Variants in PTPRO observed in about 807,000 individuals in gnomAD.
The protein encoded by PTPRO is protein tyrosine phosphatase receptor type O.
A neutral mutation model predicts 145.2 loss-of-function variants in PTPRO; 62 were observed. That is an observed-to-expected ratio of 0.43 (90% CI 0.35 to 0.53). The LOEUF (loss-of-function observed/expected upper bound fraction) is 0.53. Among genes scored for constraint, PTPRO ranks in the 20% least tolerant of loss-of-function variants. PTPRO has a pLI of 0.01. For missense variants in PTPRO, 1,345 were observed against 1,482.7 expected, an observed-to-expected ratio of 0.91 and a Z score of 1.53; for synonymous variants, 565 against 514.7, an observed-to-expected ratio of 1.10 and a Z score of -1.32.
At chr12:15,456,262 T>A (rs34859646) in intron 1 of PTPRO, among the ~76,000 whole-genome samples, 51,260 of 152,034 alleles carry the variant, frequency 0.34, 8,850 homozygotes, top group Middle Eastern at 0.44. Context: ...ATTAACATGG[T>A]ATATCACATT....
At chr12:15,581,560 T>A (rs1944317678) in intron 22 of PTPRO, 119 bp from the exon 23 acceptor site, 1 of 1,238,840 alleles carries the variant, frequency 8.1e-7, no homozygotes, top group Non-Finnish European at 1.2e-6. Context: ...TTATGTTTCA[T>A]CTTCACCACG....
intron 7 of PTPRO, among the ~76,000 whole-genome samples, chr12:15,515,065 G>T (rs1942548017): frequency 6.6e-6 from 1 of 151,862 alleles, no homozygotes; most frequent in Non-Finnish European, 1.5e-5. Flanking sequence ...GTTCCCGGTG[G>T]TCATTTTCAT....
At chr12:15,492,530 T>A (rs253860) in intron 2 of PTPRO, among the ~76,000 whole-genome samples, 3,008 of 152,000 alleles carry the variant, frequency 0.02, 111 homozygotes, top group East Asian at 0.14. Context: ...CAACATGATG[T>A]GACCCTATCT....
intron 12 of PTPRO, among the ~76,000 whole-genome samples, chr12:15,539,761 C>CAAAAA (rs56061735): frequency 1.9e-5 from 1 of 52,484 alleles, no homozygotes; most frequent in Non-Finnish European, 3.1e-5. Flanking sequence ...GACTCTGTCT[C>CAAAAA]AAAAAAAAAA....
At chr12:15,439,817 G>T in intron 1 of PTPRO, 1 of 612,650 alleles carries the variant, frequency 1.6e-6, no homozygotes, top group Non-Finnish European at 3.0e-6. Flanking sequence ...CTTTTTCTTG[G>T]GGGCCTCTCT....
chr12:15,389,601 A>G (rs1365677029), intron 1 of PTPRO, among the ~76,000 whole-genome samples: 1 of 152,200 alleles, frequency 6.6e-6, no homozygotes, highest in Non-Finnish European at 1.5e-5. Flanking sequence ...GCTGTTATCC[A>G]TTTAATGTGA....
At chr12:15,463,610 A>G (rs253810) in intron 1 of PTPRO, among the ~76,000 whole-genome samples, 140,019 of 152,166 alleles carry the variant, frequency 0.92, 65,213 homozygotes, top group Non-Finnish European at 0.99. Flanking sequence ...TTATTCTATC[A>G]CCATTATATC....
At chr12:15,524,591 G>T (rs1942798476) in intron 10 of PTPRO, among the ~76,000 whole-genome samples, 1 of 152,098 alleles carries the variant, frequency 6.6e-6, no homozygotes, top group South Asian at 2.1e-4. Flanking sequence ...GGGTCTGGGG[G>T]TCTTGTATCT....
At chr12:15,410,630 C>T (rs1482385204) in intron 1 of PTPRO, 2 of 152,202 alleles carry the variant, frequency 1.3e-5, no homozygotes, top group South Asian at 2.1e-4. Context: ...ATCATGTGAG[C>T]CAATATGTGA....
At chr12:15,333,569 G>T (rs1458310526) in intron 1 of PTPRO, among the ~76,000 whole-genome samples, 1 of 152,220 alleles carries the variant, frequency 6.6e-6, no homozygotes, top group Non-Finnish European at 1.5e-5. Context: ...CGAGACAGAG[G>T]AATAGCAGGA....
intron 1 of PTPRO, among the ~76,000 whole-genome samples, chr12:15,363,732 G>T (rs1444687617): frequency 3.3e-5 from 5 of 152,012 alleles, no homozygotes; most frequent in African/African-American, 1.2e-4. Context: ...AACCTAGTTT[G>T]ATACAACATA....
intron 1 of PTPRO, among the ~76,000 whole-genome samples, chr12:15,343,642 G>A (rs998890865): frequency 6.6e-6 from 1 of 152,220 alleles, no homozygotes; most frequent in South Asian, 2.1e-4. Flanking sequence ...GAACATGATT[G>A]TGCCAGTGCA....
intron 12 of PTPRO, among the ~76,000 whole-genome samples, chr12:15,541,709 C>A (rs1943183354): frequency 6.6e-6 from 1 of 152,166 alleles, no homozygotes; most frequent in African/African-American, 2.4e-5. Flanking sequence ...AATTTAATCA[C>A]CTCTTTAAAG....
At chr12:15,526,658 AT>A (rs1260216221) in intron 12 of PTPRO, among the ~76,000 whole-genome samples, 3 of 152,088 alleles carry the variant, frequency 2.0e-5, no homozygotes, top group Non-Finnish European at 4.4e-5. Context: ...CTACATATTG[AT>A]TTTTTAAATT....
chr12:15,491,997 A>G (rs1942009180), intron 2 of PTPRO, among the ~76,000 whole-genome samples: 1 of 152,236 alleles, frequency 6.6e-6, no homozygotes, highest in Admixed American at 6.5e-5. Context: ...AGGATGCAGG[A>G]GACACATATT....
In PTPRO at chr12:15,438,568, G is replaced by A. The variant is rs937105976; in HGVS notation, c.76-45406G>A. Among the ~76,000 whole-genome samples the A allele has an allele frequency of 4.6e-5, 7 of 151,922 alleles. 1 individual carries two copies. The Middle Eastern group carries it at 0.014, about 295-fold the overall frequency. The stretch of plus-strand genomic sequence containing the variant: ...ACGTAAAGAATTCCAAAATACAAAT[G>A]AAATCTTTATCAATAGACTGAACCA... On this transcript the variant is annotated intron_variant, in intron 1 of 26. Transcript: ENST00000281171.
chr12:15,483,408 CT>C (rs1941821065), intron 1 of PTPRO, among the ~76,000 whole-genome samples: 1 of 152,142 alleles, frequency 6.6e-6, no homozygotes, highest in Non-Finnish European at 1.5e-5. Flanking sequence ...GCATAGCTTC[CT>C]TCATCTTTAA....
At chr12:15,580,159 A>G (rs1297858856) in intron 21 of PTPRO, 44 bp downstream of exon 21, 1 of 1,452,570 alleles carries the variant, frequency 6.9e-7, no homozygotes, top group Non-Finnish European at 9.6e-7. Context: ...CTAACCAGCC[A>G]GAGAAAGACT....
chr12:15,356,845 T>A (rs1284014334), intron 1 of PTPRO, among the ~76,000 whole-genome samples: 1 of 152,218 alleles, frequency 6.6e-6, no homozygotes, highest in African/African-American at 2.4e-5. Flanking sequence ...ATCACCTTTT[T>A]ATTATACATC....
Sources: allele counts gnomAD v4.1 joint callset (sites outside exome capture counted in the v4.1 genomes callset), GRCh38; gene constraint gnomAD v4.1.1; transcripts MANE v1.5; gene names NCBI Gene and HGNC (gene_info 2026-07-23, HGNC 2026-07-21).